Variants in SCARB2 observed in about 807,000 individuals in gnomAD.
SCARB2 encodes the protein scavenger receptor class B member 2, also known as lysosome membrane protein 2.
Under a neutral mutation model 58.6 loss-of-function variants are expected in SCARB2, and 29 were observed. The ratio of observed to expected loss-of-function variants is 0.49; its 90% confidence interval spans 0.37 to 0.67. The LOEUF is 0.67. Ranked by LOEUF, SCARB2 falls within the 30% of genes least tolerant of loss-of-function variation. The pLI is 0.00. For missense variants in SCARB2, 488 were observed against 578.5 expected, an observed-to-expected ratio of 0.84 and a Z score of 1.60; for synonymous variants, 195 against 210.1, an observed-to-expected ratio of 0.93 and a Z score of 0.62.
intron 2 of SCARB2, among the ~76,000 whole-genome samples, chr4:76,189,619 A>G (rs1032431512): frequency 2.0e-5 from 3 of 151,592 alleles, no homozygotes; most frequent in African/African-American, 7.3e-5. Context: ...GTGCCACCAC[A>G]CCCAGCTAAT....
intron 10 of SCARB2, 37 bp downstream of exon 10, chr4:76,166,213 T>G: frequency 6.2e-7 from 1 of 1,608,188 alleles, no homozygotes; most frequent in Non-Finnish European, 8.5e-7. Context: ...TTTCTGAGTC[T>G]GAAAACACCC....
intron 4 of SCARB2, 35 bp from the exon 5 acceptor site, chr4:76,176,563 T>C: frequency 7.0e-7 from 1 of 1,435,630 alleles, no homozygotes; most frequent in Non-Finnish European, 9.8e-7. Flanking sequence ...TTAAAGTAAC[T>C]GTGATAATTT....
chr4:76,211,773 A>T (rs1733052388), intron 1 of SCARB2, among the ~76,000 whole-genome samples: 1 of 152,218 alleles, frequency 6.6e-6, no homozygotes, highest in Admixed American at 6.5e-5. Flanking sequence ...TAATGACAAC[A>T]GTATTTCCAC....
chr4:76,166,468 T>C (rs1732011372), intron 9 of SCARB2, 167 bp from the exon 10 acceptor site: 2 of 708,310 alleles, frequency 2.8e-6, no homozygotes, highest in Non-Finnish European at 5.0e-6. Flanking sequence ...AAAAGTTAGA[T>C]TCCAGTCTGT....
At chr4:76,169,317 TACACAC>T (rs1553947566) in intron 8 of SCARB2, among the ~76,000 whole-genome samples, 57 of 127,452 alleles carry the variant, frequency 4.5e-4, no homozygotes, top group Middle Eastern at 3.9e-3. Flanking sequence ...ATGTGTATTA[TACACAC>T]ACACACACAC....
chr4:76,217,617 T>C, upstream of SCARB2: 1 of 625,072 alleles, frequency 1.6e-6, no homozygotes, highest in Non-Finnish European at 2.9e-6. Context: ...AATGCAGATG[T>C]CTGTGCCGTG....
intron 9 of SCARB2, among the ~76,000 whole-genome samples, chr4:76,168,041 G>A (rs1732052483): frequency 6.6e-6 from 1 of 152,112 alleles, no homozygotes; most frequent in Admixed American, 6.6e-5. Flanking sequence ...GGTGCATGAG[G>A]GAAAGGCTTA....
At chr4:76,204,111 C>T (rs1250625669) in intron 1 of SCARB2, among the ~76,000 whole-genome samples, 1 of 152,186 alleles carries the variant, frequency 6.6e-6, no homozygotes, top group Non-Finnish European at 1.5e-5. Context: ...TAATTGTATA[C>T]TGGACTCCAG....
At chr4:76,191,578 G>A (rs540277074) in intron 2 of SCARB2, among the ~76,000 whole-genome samples, 1 of 152,156 alleles carries the variant, frequency 6.6e-6, no homozygotes, top group Non-Finnish European at 1.5e-5. Flanking sequence ...ATGATTATAA[G>A]TTTCCTGAGG....
At chr4:76,195,947 C>G in intron 1 of SCARB2, 83 bp from the exon 2 acceptor site, 1 of 899,540 alleles carries the variant, frequency 1.1e-6, no homozygotes, top group East Asian at 2.5e-5. Context: ...AGGGACGCCC[C>G]CTATTCTGAC....
upstream of SCARB2, chr4:76,214,038 C>T: frequency 3.5e-6 from 1 of 287,020 alleles, no homozygotes; most frequent in South Asian, 2.5e-5. Flanking sequence ...CTGGCCGCTC[C>T]CAGCGCCCTG....
intron 1 of SCARB2, among the ~76,000 whole-genome samples, chr4:76,205,074 C>G (rs1002472674): frequency 7.2e-5 from 11 of 152,048 alleles, no homozygotes; most frequent in African/African-American, 2.7e-4. Flanking sequence ...GCCTGTAATC[C>G]CAGCACTTTA....
chr4:76,170,271 G>A (rs1732101119), intron 7 of SCARB2, among the ~76,000 whole-genome samples: 1 of 152,052 alleles, frequency 6.6e-6, no homozygotes, highest in Non-Finnish European at 1.5e-5. Context: ...AAGTATAAGT[G>A]CTTCATACAC....
At chr4:76,179,461 T>C (rs886805032) in intron 4 of SCARB2, 56 bp downstream of exon 4, 33 of 1,214,214 alleles carry the variant, frequency 2.7e-5, no homozygotes, top group Non-Finnish European at 4.0e-5. Context: ...TGGCTTGGGG[T>C]GCCCCAACCC....
chr4:76,175,590 G>A, intron 6 of SCARB2: 1 of 642,642 alleles, frequency 1.6e-6, no homozygotes, highest in South Asian at 1.9e-5. Context: ...AAGTGGTAGA[G>A]CCAAGATTCA....
intron 1 of SCARB2, among the ~76,000 whole-genome samples, chr4:76,219,441 C>T (rs1201624302): frequency 6.6e-6 from 1 of 152,212 alleles, no homozygotes; most frequent in East Asian, 1.9e-4. Flanking sequence ...GGTTTAAACT[C>T]ACTGTGGCAA....
At chr4:76,168,256 C>A (rs1378873863) in intron 9 of SCARB2, 147 bp downstream of exon 9, 2 of 723,066 alleles carry the variant, frequency 2.8e-6, no homozygotes, top group Middle Eastern at 4.8e-4. Flanking sequence ...CCAAGGCACC[C>A]ATGAAAATGC....
At chr4:76,189,020 C>G (rs1228777508) in intron 2 of SCARB2, among the ~76,000 whole-genome samples, 3 of 152,150 alleles carry the variant, frequency 2.0e-5, no homozygotes, top group Non-Finnish European at 4.4e-5. Flanking sequence ...CGTTTTTTGT[C>G]ATTACTTTTA....
chr4:76,177,112 T>C (rs1306908966), intron 4 of SCARB2: 1 of 152,072 alleles, frequency 6.6e-6, no homozygotes, highest in East Asian at 1.9e-4. Context: ...GACCAGAAAA[T>C]AGTGACTATT....
Sources: gnomAD v4.1 joint callset for allele counts (sites outside exome capture counted in the v4.1 genomes callset) on GRCh38, gnomAD v4.1.1 for gene constraint, MANE v1.5 for transcripts, NCBI Gene and HGNC (gene_info 2026-07-23, HGNC 2026-07-21) for gene names.